Variants in ZFAND1 observed in about 807,000 individuals in gnomAD.
ZFAND1 encodes the protein AN1-type zinc finger protein 1.
Under a neutral mutation model 38.5 loss-of-function variants are expected in ZFAND1, and 40 were observed. The ratio of observed to expected loss-of-function variants is 1.04; its 90% CI spans 0.81 to 1.35. The LOEUF (loss-of-function observed/expected upper bound fraction) is 1.35. Among genes scored for constraint, ZFAND1 ranks in the 40% most tolerant of loss-of-function variants. The probability of loss-of-function intolerance (pLI) is 0.00; values close to 1 mark genes in which losing one functional copy is unlikely to be tolerated. For synonymous variants in ZFAND1, 117 were observed against 103.6 expected, an observed-to-expected ratio of 1.13 and a Z score of -0.78; for missense variants, 346 against 316.3, an observed-to-expected ratio of 1.09 and a Z score of -0.71.
chr8:81,714,859 C>T lies in ZFAND1; in HGVS notation c.303G>A (p.Leu101=), dbSNP rs1808253378. The T allele has an allele frequency of 6.2e-7, 1 of 1,613,882 alleles. No homozygotes were observed. The highest frequency in any genetic ancestry group is 1.7e-5 in the Admixed American group (1 of 59,982). The change falls in exon 5 of 8, where the codon CTG becomes CTA. Residue 101 remains leucine, a synonymous_variant. Transcript: ENST00000220669. ...RHQSDHECEK[L]EIPKPRMAAT... is the part of the protein sequence containing the mutation. ...CAGCCATTCGAGGCTTTGGGATTTC[C>T]AGTTTTTCACACTCATGATCTGACT...
At chr8:81,715,160 A>C (rs58900840) in intron 3 of ZFAND1, 46 bp from the exon 4 acceptor site, 468,499 of 1,598,032 alleles carry the variant, frequency 0.29, 75,534 homozygotes, top group East Asian at 0.81. Flanking sequence ...CAGACCTAAA[A>C]CAAATCAATG....
intron 1 of ZFAND1, 77 bp from the exon 2 acceptor site, chr8:81,718,301 T>G: frequency 2.4e-6 from 3 of 1,247,764 alleles, no homozygotes; most frequent in African/African-American, 1.5e-5. Flanking sequence ...AGACAACCTC[T>G]ATGGAAAAAC....
rs1466522441 is a variant in ZFAND1, at chr8:81,715,010, A to G, written c.243T>C (p.Tyr81=). 6.2e-7 allele frequency: 1 copy of G among 1,614,102 alleles called. No individual in the cohort carries two copies. The change falls in exon 4 of 8, where the codon TAT becomes TAC. Residue 81 remains tyrosine, a synonymous_variant. Coordinates refer to ENST00000220669, the MANE Select transcript of ZFAND1 (RefSeq NM_024699.3). ...ERELVAVICP[Y]CEKNFCLRHR... The stretch of plus-strand genomic sequence containing the variant: ...ACCTCAGGCAAAAATTCTTCTCACA[A>G]TAAGGACATATAACTGCCACAAGTT...
At chr8:81,706,770 GA>G (rs1807997245) in intron 6 of ZFAND1, among the ~76,000 whole-genome samples, 2 of 152,042 alleles carry the variant, frequency 1.3e-5, no homozygotes, top group Non-Finnish European at 2.9e-5. Flanking sequence ...ATTAATAAAA[GA>G]TTTTGGTGAT....
chr8:81,709,523 A>C (rs1808075581), intron 6 of ZFAND1, among the ~76,000 whole-genome samples: 1 of 152,158 alleles, frequency 6.6e-6, no homozygotes. Context: ...TTGCACACAT[A>C]TACAAGTAGA....
chr8:81,713,636 G>C (rs1053948558), intron 6 of ZFAND1, among the ~76,000 whole-genome samples: 1 of 151,836 alleles, frequency 6.6e-6, no homozygotes, highest in Non-Finnish European at 1.5e-5. Flanking sequence ...AAAAAAATCC[G>C]AATTTTGTTG....
chr8:81,715,779 T>C (rs1388204457), intron 3 of ZFAND1, among the ~76,000 whole-genome samples: 1 of 152,110 alleles, frequency 6.6e-6, no homozygotes, highest in African/African-American at 2.4e-5. Context: ...TTTTTATAAA[T>C]AATAGTTACA....
rs1469542356 is a variant in ZFAND1 at position 81,702,302 on chromosome 8, T to C, written c.*393A>G. The C allele has an allele frequency of 6.5e-6, 1 of 154,004 alleles. No individual in the cohort carries two copies. The highest frequency in any genetic ancestry group is 2.4e-5 in the African/African-American group (1 of 41,492). 9.5% of individuals were successfully genotyped at this position (154,004 alleles called of 1,614,324 possible). On this transcript the variant is annotated 3_prime_UTR_variant, in exon 8 of 8. Coordinates refer to ENST00000220669, the MANE Select transcript of ZFAND1 (RefSeq NM_024699.3). ...AGAGAAAACCGAAGTGTATTTCATC[T>C]CTTTCTCTCTCTGCTAAAACAATCA...
intron 6 of ZFAND1, among the ~76,000 whole-genome samples, chr8:81,705,012 T>A (rs1187116858): frequency 6.6e-6 from 1 of 152,076 alleles, no homozygotes; most frequent in East Asian, 1.9e-4. Context: ...AAATGCAAAG[T>A]GATAGGCTGG....
chr8:81,702,689 G>T lies in ZFAND1; in HGVS notation c.*6C>A. On this transcript the variant is annotated 3_prime_UTR_variant, in exon 8 of 8. Coordinates refer to ENST00000220669, the MANE Select transcript of ZFAND1 (RefSeq NM_024699.3). ...CCTGTGATTTCTGACTTGAATCTTTGAATGACTATTCCAAGTAAGATTCAA... is the reference window on the plus strand; with the variant it reads ...CCTGTGATTTCTGACTTGAATCTTTTAATGACTATTCCAAGTAAGATTCAA... 6.8e-7 allele frequency: 1 copy of T among 1,478,858 alleles called. No homozygotes were observed. Among genetic ancestry groups the T allele is most frequent in the Non-Finnish European group, 9.0e-7 (1 of 1,112,300 alleles). 91.6% of individuals were successfully genotyped at this position (1,478,858 alleles called of 1,614,324 possible).
At chr8:81,718,717 C>CATAT (rs143583533) in intron 1 of ZFAND1, among the ~76,000 whole-genome samples, 13 of 146,010 alleles carry the variant, frequency 8.9e-5, no homozygotes, top group African/African-American at 3.0e-4. Context: ...GTGTGAACAA[C>CATAT]ATATATATAT....
At chr8:81,704,966 A>G (rs142226797) in intron 6 of ZFAND1, among the ~76,000 whole-genome samples, 113 of 152,288 alleles carry the variant, frequency 7.4e-4, no homozygotes, top group African/African-American at 2.7e-3. Flanking sequence ...TTTTTTTAAA[A>G]AAGATAAATA....
Position 81,702,725 on chromosome 8 carries a change from G to A in ZFAND1, c.777C>T (p.Phe259=). ...ILEYLNDEEQ[F]CKNVESYLE ...CCAAGTAAGATTCAACATTTTTACA[G>A]AATTGTTCTTCATCATTAAGATATT... is the stretch of plus-strand genomic sequence containing the variant. Residue 259 remains phenylalanine, a synonymous_variant, in exon 8 of 8, where the codon TTC becomes TTT. Coordinates refer to ENST00000220669, the MANE Select transcript of ZFAND1 (RefSeq NM_024699.3). 3 of 1,565,204 alleles carry A rather than the reference G, an allele frequency of 1.9e-6. No homozygotes were observed. The East Asian group carries it at 7.0e-5, about 37-fold the overall frequency.
chr8:81,720,852 T>C (rs895410689), intron 1 of ZFAND1: 80 of 364,208 alleles, frequency 2.2e-4, no homozygotes, highest in African/African-American at 1.7e-3. Flanking sequence ...CACTGCAAGG[T>C]ACGTTTTCAG....
chr8:81,703,323 C>T (rs1299188771), intron 6 of ZFAND1, among the ~76,000 whole-genome samples, 199 bp from the exon 7 acceptor site: 1 of 152,190 alleles, frequency 6.6e-6, no homozygotes, highest in Non-Finnish European at 1.5e-5. Flanking sequence ...CCAGGGTGAT[C>T]TGTGCAAAGA....
At chr8:81,703,577 C>G (rs1807877706) in intron 6 of ZFAND1, among the ~76,000 whole-genome samples, 1 of 152,186 alleles carries the variant, frequency 6.6e-6, no homozygotes, top group South Asian at 2.1e-4. Context: ...CACGTGCCAC[C>G]AGGCCCAGCT....
intron 1 of ZFAND1, among the ~76,000 whole-genome samples, chr8:81,719,663 C>T (rs79703098): frequency 0.026 from 4,011 of 152,212 alleles, 89 homozygotes; most frequent in East Asian, 0.086. Context: ...CACCTGATAC[C>T]ATCCTTCAAT....
rs1808356211 is a variant in ZFAND1, at chr8:81,717,629, A to T, written c.99-341T>A. Among the ~76,000 whole-genome samples the T allele has an allele frequency of 2.0e-5, 3 of 152,178 alleles. No individual in the cohort carries two copies. In the South Asian group the frequency reaches 6.2e-4, roughly 31 times the overall value. Reference sequence around the variant, plus strand: ...AAAGTGCTCTAATTCCAAATAATTTAAAAATATACATTACTTTTATTTACT... The same window carrying T: ...AAAGTGCTCTAATTCCAAATAATTTTAAAATATACATTACTTTTATTTACT... On this transcript the variant is annotated intron_variant, in intron 2 of 7. Transcript: ENST00000220669.
chr8:81,708,432 A>C (rs1241606890), intron 6 of ZFAND1, among the ~76,000 whole-genome samples: 9 of 152,154 alleles, frequency 5.9e-5, no homozygotes, highest in Admixed American at 5.9e-4. Flanking sequence ...AACAATTTAC[A>C]AATAATGATT....
Sources: allele counts gnomAD v4.1 joint callset (sites outside exome capture counted in the v4.1 genomes callset), GRCh38; gene constraint gnomAD v4.1.1; transcripts MANE v1.5; gene names NCBI Gene and HGNC (gene_info 2026-07-23, HGNC 2026-07-21).